FSHR: variants seen among roughly 807,000 people sequenced by gnomAD.
The protein encoded by FSHR is follicle stimulating hormone receptor.
Under a neutral mutation model 52.1 loss-of-function variants are expected in FSHR, and 46 were observed. That is an observed-to-expected ratio of 0.88 (90% confidence interval 0.70 to 1.13). FSHR has a LOEUF of 1.13. Ranked by LOEUF, FSHR falls within the 50% of genes most tolerant of loss-of-function variation. The pLI is 0.00. For synonymous variants in FSHR, 399 were observed against 309.6 expected (o/e 1.29, Z -3.03); for missense variants, 964 against 834.6 (o/e 1.16, Z -1.91).
chr2:49,067,560 C>G (rs376121685), intron 2 of FSHR, among the ~76,000 whole-genome samples: 8 of 151,986 alleles, frequency 5.3e-5, no homozygotes, highest in African/African-American at 1.7e-4. Context: ...GAGGTGATAC[C>G]AAGAGCTTTC....
At chr2:48,968,631 G>A in intron 9 of FSHR, 67 bp downstream of exon 9, 1 of 1,547,020 alleles carries the variant, frequency 6.5e-7, no homozygotes, top group African/African-American at 1.4e-5. Context: ...GTCACAGATA[G>A]GTAGAAATTG....
chr2:49,001,886 C>T (rs1000606632), intron 4 of FSHR, among the ~76,000 whole-genome samples: 1 of 152,056 alleles, frequency 6.6e-6, no homozygotes. Context: ...CTCTGAGTTT[C>T]AAAGACCTCA....
intron 1 of FSHR, among the ~76,000 whole-genome samples, chr2:49,133,749 C>T (rs928901737): frequency 2.6e-5 from 4 of 152,076 alleles, no homozygotes; most frequent in African/African-American, 9.7e-5. Context: ...TAACAGAGCC[C>T]TCAGAAATAA....
intron 4 of FSHR, among the ~76,000 whole-genome samples, chr2:49,001,014 A>T (rs1360707619): frequency 6.6e-6 from 1 of 152,154 alleles, no homozygotes; most frequent in South Asian, 2.1e-4. Flanking sequence ...GGTATTTCAT[A>T]TGATCTCATT....
intron 2 of FSHR, among the ~76,000 whole-genome samples, chr2:49,051,322 A>G (rs72827293): frequency 0.078 from 11,946 of 152,210 alleles, 672 homozygotes; most frequent in East Asian, 0.22. Flanking sequence ...GGAGAGTTCC[A>G]GTTGCTTCAC....
At chr2:49,068,102 G>A (rs986318329) in intron 2 of FSHR, 117 bp downstream of exon 2, 2 of 789,512 alleles carry the variant, frequency 2.5e-6, no homozygotes, top group Admixed American at 1.8e-5. Flanking sequence ...GATGCAGAAA[G>A]TTTGGCTGAC....
chr2:49,089,138 G>T (rs1670505794), intron 1 of FSHR, among the ~76,000 whole-genome samples: 1 of 138,190 alleles, frequency 7.2e-6, no homozygotes, highest in Admixed American at 7.1e-5. Context: ...TTTGAGGAAT[G>T]ATTTATTTAA....
chr2:49,143,838 A>T, intron 1 of FSHR, among the ~76,000 whole-genome samples: 1 of 152,146 alleles, frequency 6.6e-6, no homozygotes, highest in East Asian at 1.9e-4. Context: ...AAAGTGATTT[A>T]TACTGCACCA....
At position 49,138,231 on chromosome 2, in the gene FSHR, T is replaced by A. The variant is rs185050440; in HGVS notation, c.152+16035A>T. On this transcript the variant is annotated intron_variant, in intron 1 of 9. Transcript: ENST00000406846. ...GTCAGATATTAAGCAATTACAATGA[T>A]GTGAAAAAATAGTAAACCTCATACA... Among the ~76,000 whole-genome samples, 461 of 152,218 alleles carry A rather than the reference T, an allele frequency of 3.0e-3. 1 individual carries two copies. The highest frequency in any genetic ancestry group is 0.027 in the Middle Eastern group (8 of 294).
chr2:49,041,886 C>A (rs907768798), intron 2 of FSHR, among the ~76,000 whole-genome samples: 1 of 152,034 alleles, frequency 6.6e-6, no homozygotes, highest in Non-Finnish European at 1.5e-5. Context: ...ATGGCTCATG[C>A]CTTTTATCTT....
chr2:48,968,697 C>A lies in FSHR; in HGVS notation c.854+1G>T. 6.2e-7 allele frequency: 1 copy of A among 1,614,092 alleles called. No individual in the cohort carries two copies. Among genetic ancestry groups the A allele is most frequent in the Admixed American group, 1.7e-5 (1 of 60,016 alleles). ...GAGCAGGGCTTAAAGGATGGACTCA[C>A]ATTTGCCGTCTCCAGTTTGCAAAGG... On this transcript the variant is annotated splice_donor_variant, in intron 9 of 9. Transcript: ENST00000406846. LOFTEE classifies it high-confidence loss of function.
chr2:49,111,433 A>C (rs1485727401), intron 1 of FSHR, among the ~76,000 whole-genome samples: 4 of 152,168 alleles, frequency 2.6e-5, no homozygotes, highest in African/African-American at 9.7e-5. Context: ...ATCTACTTGC[A>C]GCTCAGCTGG....
intron 2 of FSHR, among the ~76,000 whole-genome samples, chr2:49,023,037 T>C (rs912682388): frequency 1.3e-5 from 2 of 152,124 alleles, no homozygotes; most frequent in African/African-American, 4.8e-5. Context: ...AGTAATAATA[T>C]GCTACCAGAC....
intron 1 of FSHR, among the ~76,000 whole-genome samples, chr2:49,112,081 C>T (rs970380180): frequency 2.6e-5 from 4 of 152,116 alleles, no homozygotes; most frequent in Non-Finnish European, 5.9e-5. Context: ...GGTGTCACTT[C>T]TTATGGAATA....
chr2:49,004,455 A>T (rs1667010217), intron 4 of FSHR, among the ~76,000 whole-genome samples: 1 of 152,174 alleles, frequency 6.6e-6, no homozygotes, highest in Non-Finnish European at 1.5e-5. Context: ...CTCTTTCCAT[A>T]CAGGGCCCCT....
chr2:49,102,558 G>A (rs547849104), intron 1 of FSHR, among the ~76,000 whole-genome samples: 1 of 152,190 alleles, frequency 6.6e-6, no homozygotes, highest in Admixed American at 6.5e-5. Context: ...TGCTCACTAG[G>A]GTGGACCAGT....
chr2:49,075,574 C>T (rs1669920294), intron 1 of FSHR, among the ~76,000 whole-genome samples: 1 of 152,012 alleles, frequency 6.6e-6, no homozygotes, highest in African/African-American at 2.4e-5. Context: ...TGAAAGATGG[C>T]ACTTAACTAC....
intron 4 of FSHR, among the ~76,000 whole-genome samples, chr2:48,997,864 T>G (rs17038026): frequency 0.044 from 6,766 of 152,174 alleles, 458 homozygotes; most frequent in African/African-American, 0.15. Flanking sequence ...GTCTGTTACC[T>G]TCTACCTGAG....
chr2:48,985,196 C>T (rs956220718), intron 6 of FSHR, among the ~76,000 whole-genome samples: 13 of 152,324 alleles, frequency 8.5e-5, no homozygotes, highest in Admixed American at 3.9e-4. Context: ...CTTACCTTAA[C>T]CCTTTTGTGT....
Sources: allele counts gnomAD v4.1 joint callset (sites outside exome capture counted in the v4.1 genomes callset), GRCh38; gene constraint gnomAD v4.1.1; transcripts MANE v1.5; gene names NCBI Gene and HGNC (gene_info 2026-07-23, HGNC 2026-07-21).